Variants in UGCG observed in about 807,000 individuals in gnomAD.
UGCG encodes the protein ceramide glucosyltransferase.
In UGCG, 10 loss-of-function variants were observed where a neutral mutation model predicts 49.5. The observed-to-expected ratio is 0.20, with a 90% CI of 0.12 to 0.34. The LOEUF is 0.34. Ranked by LOEUF, UGCG falls within the 10% of genes least tolerant of loss-of-function variation. The pLI, the probability that UGCG is intolerant of heterozygous loss-of-function variation, is 1.00. For synonymous variants in UGCG, 182 were observed against 158.2 expected, an observed-to-expected ratio of 1.15 and a Z score of -1.13; for missense variants, 312 against 483.7, an observed-to-expected ratio of 0.65 and a Z score of 3.33.
chr9:111,907,338 T>C (rs1837906243), intron 1 of UGCG, among the ~76,000 whole-genome samples: 1 of 152,186 alleles, frequency 6.6e-6, no homozygotes, highest in Non-Finnish European at 1.5e-5. Context: ...ATGGAAATGC[T>C]GTAACGATTA....
At chr9:111,918,904 G>C (rs1375998531) in intron 2 of UGCG, among the ~76,000 whole-genome samples, 1 of 134,820 alleles carries the variant, frequency 7.4e-6, no homozygotes, top group Non-Finnish European at 1.5e-5. Flanking sequence ...CCGCCTGGGC[G>C]ACAGAACGAG....
intron 3 of UGCG, among the ~76,000 whole-genome samples, chr9:111,924,480 G>A (rs76032073): frequency 0.11 from 16,139 of 151,952 alleles, 1,266 homozygotes; most frequent in East Asian, 0.33. Flanking sequence ...ACCTATAGTT[G>A]CCATGTTGTA....
At chr9:111,910,431 A>G (rs570388204) in intron 1 of UGCG, among the ~76,000 whole-genome samples, 3 of 152,234 alleles carry the variant, frequency 2.0e-5, no homozygotes, top group Non-Finnish European at 4.4e-5. Flanking sequence ...AAACTTTTTC[A>G]TGATTTCTGT....
At position 111,933,459 on chromosome 9, in the gene UGCG, G is replaced by A. The variant is rs2118612395; in HGVS notation, c.*462G>A. On this transcript the variant is annotated 3_prime_UTR_variant, in exon 9 of 9. Coordinates refer to ENST00000374279, the MANE Select transcript of UGCG (RefSeq NM_003358.3). The stretch of plus-strand genomic sequence containing the variant: ...ATTCATGTCCAAAGTGAATGGTTTT[G>A]TGCAGTGAACAACACATGGCGAGGT... The A allele has an allele frequency of 6.6e-6, 1 of 152,282 alleles. No homozygotes were observed. The highest frequency in any genetic ancestry group is 2.4e-5 in the African/African-American group (1 of 41,542). The allele number at this position is 152,282 out of a possible 1,614,324, so 9.4% of individuals were successfully genotyped here.
intron 3 of UGCG, among the ~76,000 whole-genome samples, chr9:111,923,905 A>G (rs1838273391): frequency 6.6e-6 from 1 of 152,102 alleles, no homozygotes; most frequent in African/African-American, 2.4e-5. Context: ...TGCTGGGATT[A>G]TAGCCTCCCC....
chr9:111,902,776 T>C (rs1218483175), intron 1 of UGCG, among the ~76,000 whole-genome samples: 1 of 147,414 alleles, frequency 6.8e-6, no homozygotes, highest in African/African-American at 2.6e-5. Flanking sequence ...TAGAGTGAAA[T>C]TCTCTCTTTT....
At chr9:111,930,472 T>G in intron 6 of UGCG, among the ~76,000 whole-genome samples, 1 of 40,738 alleles carries the variant, frequency 2.5e-5, no homozygotes, top group South Asian at 6.1e-4. Flanking sequence ...TTGTTTTGGT[T>G]TTTTTTTTTT....
chr9:111,923,366 T>G (rs1260734036), intron 3 of UGCG, among the ~76,000 whole-genome samples: 1 of 115,588 alleles, frequency 8.7e-6, no homozygotes, highest in Non-Finnish European at 1.8e-5. Context: ...CATTAGTGTT[T>G]TTTTTTTTTT....
intron 1 of UGCG, among the ~76,000 whole-genome samples, chr9:111,910,596 T>C (rs1837978363): frequency 6.6e-6 from 1 of 152,174 alleles, no homozygotes; most frequent in Non-Finnish European, 1.5e-5. Flanking sequence ...CTAGAACTTG[T>C]GTGGTTCTTT....
chr9:111,924,670 T>C, intron 3 of UGCG, 107 bp from the exon 4 acceptor site: 1 of 437,532 alleles, frequency 2.3e-6, no homozygotes, highest in Non-Finnish European at 3.9e-6. Flanking sequence ...GAAAGTATGT[T>C]TAATTATTAA....
At chr9:111,906,584 C>G (rs1304826756) in intron 1 of UGCG, among the ~76,000 whole-genome samples, 1 of 152,092 alleles carries the variant, frequency 6.6e-6, no homozygotes, top group African/African-American at 2.4e-5. Flanking sequence ...TGTGCGCCAC[C>G]ATGCCTGGCT....
At chr9:111,921,802 A>ATTTTTTTTTTTCTTTTTTTTTT (rs1838226433) in intron 2 of UGCG, among the ~76,000 whole-genome samples, 1 of 55,536 alleles carries the variant, frequency 1.8e-5, no homozygotes, top group Non-Finnish European at 3.2e-5. Flanking sequence ...CCCCAGGGTG[A>ATTTTTTTTTTTCTTTTTTTTTT]TTTTTTTTTT....
At chr9:111,930,841 G>A (rs1838413290) in intron 6 of UGCG, among the ~76,000 whole-genome samples, 1 of 152,178 alleles carries the variant, frequency 6.6e-6, no homozygotes. Context: ...ACTGAAGTGT[G>A]TTTTAAATAC....
chr9:111,918,879 C>T (rs369804788), intron 2 of UGCG, among the ~76,000 whole-genome samples: 36 of 150,032 alleles, frequency 2.4e-4, no homozygotes, highest in African/African-American at 7.8e-4. Context: ...GAGCGGAGAT[C>T]GCGCCACAGC....
chr9:111,921,802 A>ATT (rs71373800), intron 2 of UGCG, among the ~76,000 whole-genome samples: 1,675 of 55,488 alleles, frequency 0.03, 339 homozygotes, highest in East Asian at 0.099. Context: ...CCCCAGGGTG[A>ATT]TTTTTTTTTT....
At chr9:111,927,967 A>G (rs922130869) in intron 5 of UGCG, among the ~76,000 whole-genome samples, 1 of 152,284 alleles carries the variant, frequency 6.6e-6, no homozygotes, top group Admixed American at 6.5e-5. Context: ...AGGCCATCGT[A>G]TGTGTGTCCT....
At chr9:111,905,050 T>C (rs1837854836) in intron 1 of UGCG, among the ~76,000 whole-genome samples, 1 of 152,120 alleles carries the variant, frequency 6.6e-6, no homozygotes, top group African/African-American at 2.4e-5. Flanking sequence ...CAGAGCAAGA[T>C]TGTATCTCAA....
Position 111,929,637 on chromosome 9 carries a change from CATTGCCGAAGATTACTTTATGGCCAA to C in UGCG, c.698_723del (p.Ile233SerfsTer4). On this transcript the variant is annotated frameshift_variant, in exon 6 of 9. Transcript: ENST00000374279. LOFTEE classifies it high-confidence loss of function. The stretch of plus-strand genomic sequence containing the variant: ...GAGGACTTATAGCTTTTGCTCAGTA[CATTGCCGAAGATTACTTTATGGCCAA>C]AGCGATAGCTGACCGGTAAGACAAC... 1 of 1,613,964 alleles carries C rather than the reference CATTGCCGAAGATTACTTTATGGCCAA, an allele frequency of 6.2e-7. No individual in the cohort carries two copies. The highest frequency in any genetic ancestry group is 1.3e-5 in the African/African-American group (1 of 75,046).
At chr9:111,907,919 G>A (rs888004783) in intron 1 of UGCG, among the ~76,000 whole-genome samples, 4 of 152,234 alleles carry the variant, frequency 2.6e-5, no homozygotes, top group African/African-American at 4.8e-5. Context: ...GTGAGCCACC[G>A]CACCCAGCCT....
Sources: gnomAD v4.1 joint callset for allele counts (sites outside exome capture counted in the v4.1 genomes callset) on GRCh38, gnomAD v4.1.1 for gene constraint, MANE v1.5 for transcripts, NCBI Gene and HGNC (gene_info 2026-07-23, HGNC 2026-07-21) for gene names.